FBXW10B: variants seen among roughly 807,000 people sequenced by gnomAD.
FBXW10B encodes F-box and WD repeat domain containing 10B.
chr17:15,615,554 C>T, the FBXW10B span: 2 of 1,563,246 alleles, frequency 1.3e-6, no homozygotes, highest in African/African-American at 1.4e-5. Context: ...ACCTCATGAT[C>T]TGCTTGCCTC....
At chr17:15,591,474 A>G in the FBXW10B span, among the ~76,000 whole-genome samples, 1 of 152,024 alleles carries the variant, frequency 6.6e-6, no homozygotes, top group Non-Finnish European at 1.5e-5. Flanking sequence ...TTTTTAGTAG[A>G]GACAGGGTTT....
the FBXW10B span, among the ~76,000 whole-genome samples, chr17:15,580,934 A>G: frequency 6.6e-6 from 1 of 152,152 alleles, no homozygotes; most frequent in Non-Finnish European, 1.5e-5. Flanking sequence ...AGACAACTCT[A>G]TAATACCTCC....
chr17:15,568,429 G>C, the FBXW10B span, among the ~76,000 whole-genome samples: 2 of 152,102 alleles, frequency 1.3e-5, no homozygotes, highest in African/African-American at 4.8e-5. Context: ...ACCTCAAACT[G>C]AGGAGACCAA....
chr17:15,612,336 C>T, the FBXW10B span, among the ~76,000 whole-genome samples: 464 of 151,554 alleles, frequency 3.1e-3, no homozygotes, highest in South Asian at 5.4e-3. Context: ...TGAAACCCCG[C>T]CTCTACTAAA....
chr17:15,581,488 T>C, the FBXW10B span, among the ~76,000 whole-genome samples: 2 of 152,106 alleles, frequency 1.3e-5, no homozygotes, highest in Admixed American at 1.3e-4. Flanking sequence ...AAGTAGATAG[T>C]GCAGGTAAGT....
chr17:15,595,147 C>T, the FBXW10B span, among the ~76,000 whole-genome samples: 5 of 152,104 alleles, frequency 3.3e-5, no homozygotes, highest in Non-Finnish European at 5.9e-5. Flanking sequence ...TGAGACCATC[C>T]TGGCCAACAT....
chr17:15,582,456 A>G, the FBXW10B span, among the ~76,000 whole-genome samples: 1 of 152,220 alleles, frequency 6.6e-6, no homozygotes, highest in South Asian at 2.1e-4. Flanking sequence ...TTCATGGCAA[A>G]TCAAACTTAA....
the FBXW10B span, among the ~76,000 whole-genome samples, chr17:15,599,340 T>C: frequency 2.2e-5 from 3 of 134,260 alleles, no homozygotes; most frequent in Non-Finnish European, 4.7e-5. Context: ...GCCACTGGCA[T>C]CTAGTGCATA....
the FBXW10B span, chr17:15,588,678 C>T: frequency 1.6e-6 from 1 of 621,962 alleles, no homozygotes; most frequent in Non-Finnish European, 2.8e-6. Context: ...CAAACATATT[C>T]TTTCTTATTG....
chr17:15,611,504 G>A, the FBXW10B span, among the ~76,000 whole-genome samples: 1 of 152,114 alleles, frequency 6.6e-6, no homozygotes, highest in African/African-American at 2.4e-5. Context: ...GAACTGATGA[G>A]CAGCTGGCCC....
At chr17:15,582,103 C>T in the FBXW10B span, among the ~76,000 whole-genome samples, 926 of 149,436 alleles carry the variant, frequency 6.2e-3, 11 homozygotes, top group African/African-American at 0.02. Flanking sequence ...TGCCTGTGTG[C>T]GTCTCCAGGC....
the FBXW10B span, chr17:15,613,960 G>A: frequency 6.5e-7 from 1 of 1,549,990 alleles, no homozygotes; most frequent in African/African-American, 1.6e-5. Context: ...ACCCTGGCTT[G>A]GTTATGTCTG....
the FBXW10B span, among the ~76,000 whole-genome samples, chr17:15,602,414 C>G: frequency 0.021 from 3,186 of 152,114 alleles, 110 homozygotes; most frequent in African/African-American, 0.069. Context: ...AATGGAAACT[C>G]TACCTAACGC....
the FBXW10B span, among the ~76,000 whole-genome samples, chr17:15,569,461 T>A: frequency 1.2e-4 from 14 of 121,672 alleles, no homozygotes; most frequent in Non-Finnish European, 1.1e-4. Flanking sequence ...TTTTCTTTTT[T>A]TTTTTTTTTT....
the FBXW10B span, among the ~76,000 whole-genome samples, chr17:15,617,838 G>T: frequency 1.3e-5 from 2 of 152,152 alleles, no homozygotes; most frequent in Non-Finnish European, 2.9e-5. Context: ...CTTTTCCTTA[G>T]AAATTTCCTT....
At chr17:15,571,820 G>C in the FBXW10B span, 1 of 152,250 alleles carries the variant, frequency 6.6e-6, no homozygotes, top group African/African-American at 2.4e-5. Context: ...GGTACGTGCA[G>C]TGACACGGGT....
At chr17:15,618,558 A>C in the FBXW10B span, among the ~76,000 whole-genome samples, 1 of 109,024 alleles carries the variant, frequency 9.2e-6, no homozygotes, top group Admixed American at 1.1e-4. Context: ...GAGTGAATGA[A>C]AAAAAAAAAA....
chr17:15,575,601 T>G, the FBXW10B span, among the ~76,000 whole-genome samples: 7,415 of 130,414 alleles, frequency 0.057, 1,463 homozygotes, highest in African/African-American at 0.23. Flanking sequence ...TGGCGGCCCT[T>G]CCAACCGCTC....
the FBXW10B span, chr17:15,612,586 G>A: frequency 2.1e-6 from 3 of 1,445,518 alleles, no homozygotes; most frequent in African/African-American, 2.9e-5. Context: ...CTTAAGGAGT[G>A]TCACCTGCCG....
Sources: allele counts gnomAD v4.1 joint callset (sites outside exome capture counted in the v4.1 genomes callset), GRCh38; gene constraint gnomAD v4.1.1; transcripts MANE v1.5; gene names NCBI Gene and HGNC (gene_info 2026-07-23, HGNC 2026-07-21).